Variants in NDUFS3 observed in about 807,000 individuals in gnomAD.
NDUFS3 encodes the protein NADH:ubiquinone oxidoreductase core subunit S3, also known as NADH dehydrogenase [ubiquinone] iron-sulfur protein 3, mitochondrial.
NDUFS3 carries 19 observed loss-of-function variants against 30.8 expected under a neutral mutation model. That is an observed-to-expected ratio of 0.62 (90% confidence interval 0.43 to 0.91). The LOEUF is 0.91. Ranked by LOEUF, NDUFS3 falls within the 40% of genes least tolerant of loss-of-function variation. NDUFS3 has a pLI of 0.00. For synonymous variants in NDUFS3, 153 were observed against 135.8 expected, an observed-to-expected ratio of 1.13 and a Z score of -0.88; for missense variants, 331 against 342.0, an observed-to-expected ratio of 0.97 and a Z score of 0.25.
intron 6 of NDUFS3, 115 bp downstream of exon 6, chr11:47,582,583 G>A (rs2097269280): frequency 1.3e-6 from 2 of 1,526,988 alleles, no homozygotes; most frequent in Non-Finnish European, 1.8e-6. Context: ...TAAGAGCATG[G>A]GCCCTGGATT....
In NDUFS3 at chr11:47,582,105, GTC is replaced by G. The variant is rs1223845386; in HGVS notation, c.403_404del (p.Leu135AlafsTer14). The G allele has an allele frequency of 6.2e-7, 1 of 1,614,028 alleles. No homozygotes were observed. Among genetic ancestry groups the G allele is most frequent in the Non-Finnish European group, 8.5e-7 (1 of 1,180,022 alleles). ...NRFEIVYNLLSLRFNSRIRVK... is the reference protein window; with the variant it reads ...NRFEIVYNLLXLRFNSRIRVK... ...CTCCCTAGATTGTCTACAACCTGTTGTCTCTGCGCTTCAACTCACGGATCCGT... is the reference window on the plus strand; with the variant it reads ...CTCCCTAGATTGTCTACAACCTGTTGTCTGCGCTTCAACTCACGGATCCGT... On this transcript the variant is annotated frameshift_variant, in exon 5 of 7. Transcript: ENST00000263774. LOFTEE classifies it high-confidence loss of function.
At chr11:47,581,996 T>G in intron 4 of NDUFS3, 92 bp from the exon 5 acceptor site, 2 of 1,535,340 alleles carry the variant, frequency 1.3e-6, no homozygotes, top group Non-Finnish European at 1.8e-6. Context: ...CTTGAGGTTT[T>G]GAGGTTCAGA....
In NDUFS3 at chr11:47,579,167, G is replaced by A. The variant is rs1168431410; in HGVS notation, c.67+9G>A. 4 of 1,611,434 alleles carry A rather than the reference G, an allele frequency of 2.5e-6. No individual in the cohort carries two copies. The highest frequency in any genetic ancestry group is 3.4e-6 in the Non-Finnish European group (4 of 1,179,206). On this transcript the variant is annotated intron_variant, in intron 1 of 6. Transcript: ENST00000263774. ...CTCGGCGCTGACCAGGGGTGAGCAC[G>A]GGCAGCCAGCTGAGACCGGGGTCAG...
At chr11:47,583,342 A>C (rs1413861406) in intron 6 of NDUFS3, among the ~76,000 whole-genome samples, 1 of 151,926 alleles carries the variant, frequency 6.6e-6, no homozygotes, top group Admixed American at 6.6e-5. Context: ...GTGAGCCACC[A>C]CACCTGGCCA....
At chr11:47,583,766 C>G (rs1355373156) in intron 6 of NDUFS3, among the ~76,000 whole-genome samples, 1 of 152,146 alleles carries the variant, frequency 6.6e-6, no homozygotes, top group Non-Finnish European at 1.5e-5. Flanking sequence ...CCTTTCACCC[C>G]ACTCCTGCTA....
rs1352466508 is a variant in NDUFS3, at chr11:47,582,100, C to A, written c.394C>A (p.Leu132Met). 7 of 1,614,052 alleles carry A rather than the reference C, an allele frequency of 4.3e-6. No homozygotes were observed. The highest frequency in any genetic ancestry group is 5.1e-6 in the Non-Finnish European group (6 of 1,180,038). ...CTGTTCTCCCTAGATTGTCTACAACCTGTTGTCTCTGCGCTTCAACTCACG... is the reference window on the plus strand; with the variant it reads ...CTGTTCTCCCTAGATTGTCTACAACATGTTGTCTCTGCGCTTCAACTCACG... Reference protein sequence around the residue: ...RQNRFEIVYNLLSLRFNSRIR... With the variant: ...RQNRFEIVYNMLSLRFNSRIR... The change falls in exon 5 of 7, where the codon CTG (leucine) becomes ATG (methionine). Residue 132 changes from leucine (L) to methionine (M), a missense_variant. By Grantham distance (15) the Leu-to-Met change is conservative (BLOSUM62 2). Transcript: ENST00000263774.
chr11:47,581,909 G>C (rs922847394), intron 4 of NDUFS3, 179 bp from the exon 5 acceptor site: 11 of 793,152 alleles, frequency 1.4e-5, no homozygotes, highest in Admixed American at 1.4e-4. Flanking sequence ...AATAGCATGA[G>C]CAAACACAGG....
chr11:47,584,484 C>G lies in NDUFS3; in HGVS notation c.*3C>G. ...ACAAGAAGCCTGATGCCAAGTAGCT[C>G]CAGGGAACGCATGTGGATCCTAGAC... On this transcript the variant is annotated 3_prime_UTR_variant, in exon 7 of 7. Transcript: ENST00000263774. The G allele has an allele frequency of 6.2e-7, 1 of 1,613,964 alleles. No individual in the cohort carries two copies. Among genetic ancestry groups the G allele is most frequent in the Non-Finnish European group, 8.5e-7 (1 of 1,179,992 alleles).
At chr11:47,582,884 C>T (rs991305444) in intron 6 of NDUFS3, among the ~76,000 whole-genome samples, 3 of 152,072 alleles carry the variant, frequency 2.0e-5, no homozygotes, top group Non-Finnish European at 2.9e-5. Context: ...GTGGTCCTGG[C>T]TGCTCAAGAG....
At chr11:47,579,810 G>GAAGGACAAAGA in intron 2 of NDUFS3, 1 of 232,238 alleles carries the variant, frequency 4.3e-6, no homozygotes, top group Non-Finnish European at 8.6e-6. Flanking sequence ...GACAAAGTAG[G>GAAGGACAAAGA]CCTGCCTGCT....
intron 2 of NDUFS3, 52 bp from the exon 3 acceptor site, chr11:47,580,473 G>A: frequency 6.4e-7 from 1 of 1,555,628 alleles, no homozygotes; most frequent in Non-Finnish European, 8.9e-7. Flanking sequence ...CTGCATGCAG[G>A]GCTGGCTTTT....
intron 1 of NDUFS3, 40 bp from the exon 2 acceptor site, chr11:47,579,229 G>A: frequency 1.2e-6 from 2 of 1,614,104 alleles, no homozygotes; most frequent in Non-Finnish European, 1.7e-6. Context: ...GCTCCTCAGG[G>A]CTCATCCCGC....
At position 47,579,337 on chromosome 11, in the gene NDUFS3, G is replaced by A; in HGVS notation, c.133+3G>A. On this transcript the variant is annotated splice_donor_region_variant and intron_variant, in intron 2 of 6. Coordinates refer to ENST00000263774, the MANE Select transcript of NDUFS3 (RefSeq NM_004551.3). ...GAGCGCCGGGGCCGACACGCGCCGT[G>A]AGTATGTGCGGGCAGCGCTCTTCTC... 6.2e-7 allele frequency: 1 copy of A among 1,613,156 alleles called. No individual in the cohort carries two copies. Among genetic ancestry groups the A allele is most frequent in the Non-Finnish European group, 8.5e-7 (1 of 1,179,598 alleles).
At chr11:47,580,079 GGAGA>G (rs1242505547) in intron 2 of NDUFS3, among the ~76,000 whole-genome samples, 2 of 128,242 alleles carry the variant, frequency 1.6e-5, no homozygotes, top group African/African-American at 2.9e-5. Context: ...ACACTTTTAA[GGAGA>G]GAGAGAGTCT....
chr11:47,580,128 G>T (rs1190883028), intron 2 of NDUFS3, among the ~76,000 whole-genome samples: 1 of 152,084 alleles, frequency 6.6e-6, no homozygotes, highest in Non-Finnish European at 1.5e-5. Context: ...TTCTTAGCTT[G>T]AGAACCTGGT....
chr11:47,580,448 T>C, intron 2 of NDUFS3, 77 bp from the exon 3 acceptor site: 1 of 1,376,774 alleles, frequency 7.3e-7, no homozygotes, highest in Non-Finnish European at 1.0e-6. Flanking sequence ...TGACATCCCT[T>C]ACAAGCCTAA....
At chr11:47,579,400 C>T in intron 2 of NDUFS3, 66 bp downstream of exon 2, 1 of 1,583,884 alleles carries the variant, frequency 6.3e-7, no homozygotes, top group Non-Finnish European at 8.6e-7. Flanking sequence ...CCTGTCCTTG[C>T]CCTAGGATGC....
chr11:47,580,163 C>G (rs2097267667), intron 2 of NDUFS3, among the ~76,000 whole-genome samples: 1 of 152,124 alleles, frequency 6.6e-6, no homozygotes, highest in Non-Finnish European at 1.5e-5. Flanking sequence ...TAAGGAGCTA[C>G]AGAGAGGCAA....
Position 47,579,311 on chromosome 11 carries a change from A to G in NDUFS3, c.110A>G (p.Glu37Gly), listed in dbSNP as rs1469806098. 1 of 1,613,894 alleles carries G rather than the reference A, an allele frequency of 6.2e-7. No homozygotes were observed. Among genetic ancestry groups the G allele is most frequent in the Admixed American group, 1.7e-5 (1 of 60,026 alleles). The change falls in exon 2 of 7, where the codon GAG (glutamate) becomes GGG (glycine). Residue 37 changes from glutamate (E) to glycine (G), a missense_variant. Physicochemically the swap from Glu to Gly is moderately conservative, Grantham distance 98. Coordinates refer to ENST00000263774, the MANE Select transcript of NDUFS3 (RefSeq NM_004551.3). ...PSVLLLPVRRESAGADTRPTV... is the reference protein window; with the variant it reads ...PSVLLLPVRRGSAGADTRPTV... The stretch of plus-strand genomic sequence containing the variant: ...GTTCTGTTGCTGCCGGTGAGGCGGG[A>G]GAGCGCCGGGGCCGACACGCGCCGT...
Sources: gnomAD v4.1 joint callset for allele counts (sites outside exome capture counted in the v4.1 genomes callset) on GRCh38, gnomAD v4.1.1 for gene constraint, MANE v1.5 for transcripts, NCBI Gene and HGNC (gene_info 2026-07-23, HGNC 2026-07-21) for gene names.